The following ASCC3 variants were observed in gnomAD, a reference collection of about 807,000 sequenced individuals.
ASCC3 encodes the protein activating signal cointegrator 1 complex subunit 3.
ASCC3 carries 158 observed loss-of-function variants against 256.3 expected under a neutral mutation model. The observed-to-expected ratio is 0.62, with a 90% CI of 0.54 to 0.70. The LOEUF (loss-of-function observed/expected upper bound fraction) is 0.70. Ranked by LOEUF, ASCC3 falls within the 30% of genes least tolerant of loss-of-function variation. The pLI is 0.00. For missense variants in ASCC3, 2,259 were observed against 2,626.0 expected (o/e 0.86, Z 3.05); for synonymous variants, 948 against 883.4 (o/e 1.07, Z -1.30).
In ASCC3 at chr6:100,655,747, C is replaced by A; in HGVS notation, c.2775G>T (p.Arg925=). 6.2e-7 allele frequency: 1 copy of A among 1,611,692 alleles called. No individual in the cohort carries two copies. The highest frequency in any genetic ancestry group is 8.5e-7 in the Non-Finnish European group (1 of 1,178,994). ...KWISYTYLYV[R]MRANPLAYGI... is the part of the protein sequence containing the mutation. ...CATATGCTAATGGATTTGCTCTCAT[C>A]CGTACATAAAGATAAGTGTAACTTA... The change falls in exon 17 of 42, where the codon CGG becomes CGT. Residue 925 remains arginine, a synonymous_variant. Transcript: ENST00000369162.
chr6:100,720,650 T>G (rs1779284263), intron 11 of ASCC3, among the ~76,000 whole-genome samples: 1 of 151,712 alleles, frequency 6.6e-6, no homozygotes, highest in Non-Finnish European at 1.5e-5. Flanking sequence ...AGACAGCGCT[T>G]TAATATTAGT....
chr6:100,607,352 T>C (rs990745689), intron 30 of ASCC3, among the ~76,000 whole-genome samples: 2 of 152,068 alleles, frequency 1.3e-5, no homozygotes, highest in Non-Finnish European at 2.9e-5. Context: ...ATAAATGATA[T>C]GTTCTTTAAT....
chr6:100,577,569 G>A (rs924770296), intron 36 of ASCC3, among the ~76,000 whole-genome samples: 5 of 152,016 alleles, frequency 3.3e-5, no homozygotes, highest in African/African-American at 4.8e-5. Flanking sequence ...ACTATTTCCT[G>A]TTTTGTTTTT....
At chr6:100,841,434 T>C (rs1772140035) in intron 4 of ASCC3, among the ~76,000 whole-genome samples, 1 of 152,152 alleles carries the variant, frequency 6.6e-6, no homozygotes, top group African/African-American at 2.4e-5. Context: ...AACTACTTAA[T>C]TGTAAGCTTA....
intron 36 of ASCC3, among the ~76,000 whole-genome samples, chr6:100,586,358 A>C (rs1158166646): frequency 2.0e-5 from 3 of 152,136 alleles, no homozygotes; most frequent in South Asian, 2.1e-4. Flanking sequence ...GCAATCAGTG[A>C]GACTCCGTGG....
chr6:100,591,244 T>C (rs941359970), intron 34 of ASCC3, among the ~76,000 whole-genome samples: 6 of 152,090 alleles, frequency 3.9e-5, no homozygotes, highest in African/African-American at 1.4e-4. Context: ...TTAGAAAATA[T>C]TTCTTTTCTT....
At chr6:100,558,130 T>A (rs1327686486) in intron 36 of ASCC3, among the ~76,000 whole-genome samples, 1 of 150,498 alleles carries the variant, frequency 6.6e-6, no homozygotes, top group Admixed American at 6.6e-5. Flanking sequence ...TATAGTAATA[T>A]AAGAAGAAAA....
intron 36 of ASCC3, among the ~76,000 whole-genome samples, chr6:100,546,707 T>C (rs969175981): frequency 1.3e-5 from 2 of 152,170 alleles, no homozygotes; most frequent in African/African-American, 4.8e-5. Flanking sequence ...TTTATAGTTA[T>C]CATAAAGCTG....
At chr6:100,854,014 TC>T (rs1167025463) in intron 3 of ASCC3, among the ~76,000 whole-genome samples, 1 of 152,304 alleles carries the variant, frequency 6.6e-6, no homozygotes, top group African/African-American at 2.4e-5. Context: ...CCTGTTCATT[TC>T]CCATTAGTGT....
In ASCC3 at chr6:100,800,564, T is replaced by C. The variant is rs1161520363; in HGVS notation, c.923-60A>G. 7.6e-6 allele frequency: 10 copies of C among 1,321,590 alleles called. No homozygotes were observed. The East Asian group carries it at 2.2e-4, about 29-fold the overall frequency. The allele number at this position is 1,321,590 out of a possible 1,614,324, so 81.9% of individuals were successfully genotyped here. A position where few individuals can be genotyped will look rare whatever the true frequency, so the allele number is the denominator to read the frequency against. Reference sequence around the variant, plus strand: ...AAATCTGAATATGATTTAACCTTCATGAAAACCATTTCTTTCCTCCACCCC... The same window carrying C: ...AAATCTGAATATGATTTAACCTTCACGAAAACCATTTCTTTCCTCCACCCC... On this transcript the variant is annotated intron_variant, in intron 5 of 41. Transcript: ENST00000369162.
intron 13 of ASCC3, among the ~76,000 whole-genome samples, chr6:100,713,114 A>T (rs532416991): frequency 2.0e-5 from 3 of 152,130 alleles, no homozygotes; most frequent in South Asian, 4.2e-4. Context: ...CCGGACAAAA[A>T]CCTGCACATG....
intron 9 of ASCC3, 72 bp downstream of exon 9, chr6:100,767,073 T>C (rs1781690853): frequency 2.1e-6 from 3 of 1,441,858 alleles, no homozygotes; most frequent in Non-Finnish European, 2.9e-6. Context: ...TCAAATTTCA[T>C]GTAATATTAA....
At position 100,629,004 on chromosome 6, in the gene ASCC3, G is replaced by A. The variant is rs1029922201; in HGVS notation, c.4375+11C>T. The A allele has an allele frequency of 3.1e-6, 5 of 1,611,196 alleles. No individual in the cohort carries two copies. Among genetic ancestry groups the A allele is most frequent in the African/African-American group, 2.7e-5 (2 of 74,926 alleles). ...AGTTTGTAAACTGGCTTTAGATACA[G>A]TGGTACCTACCAAGCAGATGGATCT... On this transcript the variant is annotated intron_variant, in intron 27 of 41. Transcript: ENST00000369162.
intron 34 of ASCC3, among the ~76,000 whole-genome samples, chr6:100,597,973 C>CA (rs34634494): frequency 0.016 from 1,388 of 87,858 alleles, 26 homozygotes; most frequent in Non-Finnish European, 0.02. Context: ...GACTCCGTCT[C>CA]AAAAAAAAAA....
intron 12 of ASCC3, among the ~76,000 whole-genome samples, 196 bp downstream of exon 12, chr6:100,717,879 T>A (rs772886010): frequency 2.2e-4 from 34 of 152,124 alleles, no homozygotes; most frequent in Non-Finnish European, 5.9e-5. Flanking sequence ...CTTACTCTAC[T>A]ACAAATAGTT....
intron 14 of ASCC3, among the ~76,000 whole-genome samples, chr6:100,673,716 C>T (rs1562216498): frequency 2.0e-5 from 3 of 152,186 alleles, no homozygotes; most frequent in Non-Finnish European, 4.4e-5. Context: ...GTGAATCCTA[C>T]TTTTCAGTAC....
intron 36 of ASCC3, among the ~76,000 whole-genome samples, chr6:100,557,251 T>C (rs996639055): frequency 2.0e-4 from 30 of 152,196 alleles, no homozygotes; most frequent in African/African-American, 7.2e-4. Context: ...GGTCACTGAT[T>C]TGAGATAGTT....
chr6:100,633,950 A>C (rs905846853), intron 25 of ASCC3, among the ~76,000 whole-genome samples: 1 of 152,178 alleles, frequency 6.6e-6, no homozygotes, highest in East Asian at 1.9e-4. Context: ...TTATGGCCAC[A>C]GTACACGATA....
chr6:100,827,491 A>AT (rs1218767339), intron 4 of ASCC3, among the ~76,000 whole-genome samples: 9 of 152,102 alleles, frequency 5.9e-5, no homozygotes, highest in Non-Finnish European at 7.4e-5. Context: ...GGTTCTTGTA[A>AT]TTTTTTGTGG....
Sources: allele counts gnomAD v4.1 joint callset (sites outside exome capture counted in the v4.1 genomes callset), GRCh38; gene constraint gnomAD v4.1.1; transcripts MANE v1.5; gene names NCBI Gene and HGNC (gene_info 2026-07-23, HGNC 2026-07-21).